ZNF423: variants seen among roughly 807,000 people sequenced by gnomAD.
The protein encoded by ZNF423 is zinc finger protein 423, also known as Ebf-associated zinc finger protein.
Under a neutral mutation model 95.8 loss-of-function variants are expected in ZNF423, and 12 were observed. The observed-to-expected ratio is 0.13, with a 90% CI of 0.08 to 0.20. The LOEUF is 0.20. Among genes scored for constraint, ZNF423 ranks in the 10% least tolerant of loss-of-function variants. ZNF423 has a pLI of 1.00. For missense variants in ZNF423, 1,316 were observed against 1,737.1 expected (o/e 0.76, Z 4.31); for synonymous variants, 749 against 711.9 (o/e 1.05, Z -0.83).
At chr16:49,507,771 A>G (rs914468796) in intron 7 of ZNF423, among the ~76,000 whole-genome samples, 3 of 152,250 alleles carry the variant, frequency 2.0e-5, no homozygotes, top group South Asian at 2.1e-4. Flanking sequence ...AGAGGCAGCA[A>G]TGGTTGCAGA....
intron 3 of ZNF423, among the ~76,000 whole-genome samples, chr16:49,696,258 G>A (rs530517344): frequency 3.1e-4 from 47 of 152,332 alleles, no homozygotes; most frequent in Non-Finnish European, 5.7e-4. Flanking sequence ...TCATTGCGAT[G>A]GTGGGGGGTG....
chr16:49,825,329 A>G (rs2034993818), intron 1 of ZNF423, among the ~76,000 whole-genome samples: 1 of 152,188 alleles, frequency 6.6e-6, no homozygotes, highest in African/African-American at 2.4e-5. Flanking sequence ...CAGTTCTTTC[A>G]CTGAAACATA....
At chr16:49,508,079 C>A (rs1173342833) in intron 7 of ZNF423, among the ~76,000 whole-genome samples, 1 of 152,190 alleles carries the variant, frequency 6.6e-6, no homozygotes, top group Non-Finnish European at 1.5e-5. Flanking sequence ...GTTAGTTGAC[C>A]TCTCTGTGCC....
chr16:49,732,033 C>A (rs1425699461), intron 2 of ZNF423, among the ~76,000 whole-genome samples: 1 of 152,214 alleles, frequency 6.6e-6, no homozygotes, highest in Admixed American at 6.5e-5. Flanking sequence ...TATATATGCA[C>A]AGCCCCATTT....
chr16:49,718,963 G>T (rs2032787330), intron 3 of ZNF423, among the ~76,000 whole-genome samples: 1 of 152,132 alleles, frequency 6.6e-6, no homozygotes, highest in Admixed American at 6.5e-5. Flanking sequence ...CCCTCTATTT[G>T]CCTCTTTTAC....
chr16:49,736,398 C>T (rs946293019), intron 2 of ZNF423, among the ~76,000 whole-genome samples: 2 of 152,168 alleles, frequency 1.3e-5, no homozygotes, highest in African/African-American at 4.8e-5. Context: ...CTACACCACA[C>T]CCACCCAAAC....
chr16:49,628,303 T>G (rs1250934041), intron 4 of ZNF423, among the ~76,000 whole-genome samples: 1 of 149,036 alleles, frequency 6.7e-6, no homozygotes, highest in Non-Finnish European at 1.5e-5. Flanking sequence ...CACATACCCA[T>G]CTACCCATTC....
chr16:49,628,174 C>G (rs1972371461), intron 4 of ZNF423, among the ~76,000 whole-genome samples: 1 of 150,760 alleles, frequency 6.6e-6, no homozygotes, highest in Admixed American at 6.6e-5. Flanking sequence ...ACATACATAC[C>G]CACCCATCCA....
chr16:49,837,915 C>CA (rs2035137848), intron 1 of ZNF423, among the ~76,000 whole-genome samples: 2 of 152,220 alleles, frequency 1.3e-5, no homozygotes, highest in Non-Finnish European at 2.9e-5. Flanking sequence ...TCAGATAAGC[C>CA]AGAGCGGTCT....
intron 3 of ZNF423, among the ~76,000 whole-genome samples, chr16:49,724,011 G>A (rs2032938773): frequency 6.6e-6 from 1 of 152,126 alleles, no homozygotes; most frequent in African/African-American, 2.4e-5. Flanking sequence ...TATTTCTTAT[G>A]AACTATAAAT....
chr16:49,708,597 G>T (rs2032437548), intron 3 of ZNF423, among the ~76,000 whole-genome samples: 2 of 152,066 alleles, frequency 1.3e-5, no homozygotes, highest in South Asian at 4.2e-4. Context: ...GCTCTTCCTT[G>T]CAGAACTTAG....
chr16:49,495,465 TC>T (rs5816645), intron 7 of ZNF423, among the ~76,000 whole-genome samples: 10,818 of 152,244 alleles, frequency 0.071, 540 homozygotes, highest in Non-Finnish European at 0.1. Flanking sequence ...AGGAACTGGT[TC>T]CCTGACACAC....
At chr16:49,708,283 A>T (rs1251906705) in intron 3 of ZNF423, 2 of 151,004 alleles carry the variant, frequency 1.3e-5, no homozygotes, top group Non-Finnish European at 2.9e-5. Flanking sequence ...GACACCCACC[A>T]CTTTTTTCTT....
chr16:49,856,842 G>A (rs2035376349), upstream of ZNF423, among the ~76,000 whole-genome samples: 1 of 148,194 alleles, frequency 6.7e-6, no homozygotes, highest in Non-Finnish European at 1.5e-5. Flanking sequence ...CGCCGGCCCC[G>A]CTAGCTGCCT....
chr16:49,523,784 C>A, intron 6 of ZNF423, 45 bp from the exon 7 acceptor site: 2 of 1,544,790 alleles, frequency 1.3e-6, no homozygotes, highest in African/African-American at 1.4e-5. Context: ...GGACACCAGC[C>A]CAGCCTCCTG....
At chr16:49,856,225 C>T (rs2035368302), upstream of ZNF423, 1 of 139,650 alleles carries the variant, frequency 7.2e-6, no homozygotes, top group Admixed American at 7.0e-5. Flanking sequence ...CTACCGCCAC[C>T]CTCACCCTCC....
At chr16:49,752,349 G>A (rs1336874241) in intron 2 of ZNF423, among the ~76,000 whole-genome samples, 1 of 152,204 alleles carries the variant, frequency 6.6e-6, no homozygotes, top group South Asian at 2.1e-4. Context: ...CTTCCTGACG[G>A]TGTCCCAGCC....
chr16:49,678,311 T>A (rs1340695708), intron 3 of ZNF423, among the ~76,000 whole-genome samples: 1 of 94,224 alleles, frequency 1.1e-5, no homozygotes, highest in Non-Finnish European at 2.7e-5. Flanking sequence ...TTTGTTTTGT[T>A]TTGTTTTGTT....
intron 3 of ZNF423, among the ~76,000 whole-genome samples, chr16:49,646,724 C>T (rs1973188300): frequency 6.6e-6 from 1 of 151,938 alleles, no homozygotes; most frequent in African/African-American, 2.4e-5. Context: ...CAGGCACCCA[C>T]CACCACACCC....
Sources: allele counts gnomAD v4.1 joint callset (sites outside exome capture counted in the v4.1 genomes callset), GRCh38; gene constraint gnomAD v4.1.1; transcripts MANE v1.5; gene names NCBI Gene and HGNC (gene_info 2026-07-23, HGNC 2026-07-21).